The following HEATR4 variants were observed in gnomAD, a reference collection of about 807,000 sequenced individuals.
HEATR4 encodes HEAT repeat containing 4.
A neutral mutation model predicts 108.8 loss-of-function variants in HEATR4; 95 were observed. The observed-to-expected ratio is 0.87, with a 90% CI of 0.74 to 1.04. The LOEUF (loss-of-function observed/expected upper bound fraction) is 1.04. HEATR4 is among the 50% of genes least tolerant of loss of function. The pLI is 0.00. For synonymous variants in HEATR4, 443 were observed against 459.4 expected (o/e 0.96, Z 0.46); for missense variants, 1,152 against 1,253.8 (o/e 0.92, Z 1.23).
chr14:73,502,876 C>G lies in HEATR4; in HGVS notation c.2105+19G>C, dbSNP rs569387576. ...CTAAGAATTTAGAAGAGTGTCTCCTCATGTTGACTGGGTCTTACCTGATTA... is the reference window on the plus strand; with the variant it reads ...CTAAGAATTTAGAAGAGTGTCTCCTGATGTTGACTGGGTCTTACCTGATTA... On this transcript the variant is annotated intron_variant, in intron 11 of 17. Coordinates refer to ENST00000553558, the MANE Select transcript of HEATR4 (RefSeq NM_001220484.1). The G allele has an allele frequency of 6.4e-7, 1 of 1,573,472 alleles. No individual in the cohort carries two copies. The highest frequency in any genetic ancestry group is 1.3e-5 in the African/African-American group (1 of 74,216).
In HEATR4 at chr14:73,520,426, TACTG is replaced by T. The variant is rs1887905065; in HGVS notation, c.1069+422_1069+425del. 3 of 157,656 alleles carry T rather than the reference TACTG, an allele frequency of 1.9e-5. No homozygotes were observed. In the South Asian group the frequency reaches 6.1e-4, roughly 32 times the overall value. 9.8% of individuals were successfully genotyped at this position (157,656 alleles called of 1,614,324 possible). On this transcript the variant is annotated intron_variant, in intron 4 of 17. Transcript: ENST00000553558. ...AATTTACTGAAGGTTACTAAAAAAA[TACTG>T]AGCCAGGATTTAAACCCAAATGTGC...
chr14:73,536,516 TAAAAAAAAA>T lies in HEATR4; in HGVS notation c.-151-6281_-151-6273del, dbSNP rs543491523. Among the ~76,000 whole-genome samples the T allele has an allele frequency of 3.4e-5, 2 of 59,348 alleles. 1 individual carries two copies. The highest frequency in any genetic ancestry group is 1.2e-4 in the African/African-American group (2 of 16,250). 38.9% of individuals were successfully genotyped at this position (59,348 alleles called of 152,430 possible). A position where few individuals can be genotyped will look rare whatever the true frequency, so the allele number is the denominator to read the frequency against. ...GCAACGTAGTGAGACCCTGTCTCTT[TAAAAAAAAA>T]AAAAAAAAAAAAAAAAGATGAGAGG... On this transcript the variant is annotated intron_variant, in intron 1 of 17. Transcript: ENST00000553558.
intron 17 of HEATR4, 33 bp downstream of exon 17, chr14:73,493,033 T>TA: frequency 1.3e-6 from 2 of 1,599,902 alleles, no homozygotes; most frequent in Admixed American, 1.8e-5. Context: ...CTCACGTTCT[T>TA]ACCTTGATAA....
chr14:73,612,565 G>T, the HEATR4 span: 1 of 1,382,876 alleles, frequency 7.2e-7, no homozygotes, highest in Non-Finnish European at 9.4e-7. Flanking sequence ...GTTCTACCCA[G>T]ATTGGGATGG....
intron 10 of HEATR4, 131 bp from the exon 11 acceptor site, chr14:73,503,144 A>G (rs559941959): frequency 2.8e-6 from 2 of 707,824 alleles, no homozygotes; most frequent in East Asian, 2.6e-5. Context: ...GTTTTTTCCC[A>G]TCGCTTACTC....
At chr14:73,497,071 T>C (rs1886150365) in intron 14 of HEATR4, among the ~76,000 whole-genome samples, 1 of 152,192 alleles carries the variant, frequency 6.6e-6, no homozygotes, top group East Asian at 1.9e-4. Flanking sequence ...AGTTTTTGTA[T>C]TTTTAGTAGA....
At chr14:73,482,512 A>G (rs1160627689) in intron 17 of HEATR4, among the ~76,000 whole-genome samples, 1 of 151,322 alleles carries the variant, frequency 6.6e-6, no homozygotes, top group Non-Finnish European at 1.5e-5. Context: ...ACACAGCCAG[A>G]CTTCGAGACT....
chr14:73,584,220 C>T, the HEATR4 span, among the ~76,000 whole-genome samples: 2 of 151,506 alleles, frequency 1.3e-5, no homozygotes, highest in African/African-American at 2.4e-5. Context: ...CACAGTTAAA[C>T]GGGGCTCTTG....
At chr14:73,622,407 A>G in the HEATR4 span, among the ~76,000 whole-genome samples, 1 of 151,918 alleles carries the variant, frequency 6.6e-6, no homozygotes, top group Non-Finnish European at 1.5e-5. Context: ...CCTGTCTCCA[A>G]TATATATATT....
the HEATR4 span, among the ~76,000 whole-genome samples, chr14:73,620,391 G>T: frequency 1.4e-4 from 21 of 152,310 alleles, no homozygotes; most frequent in African/African-American, 5.1e-4. Context: ...TTAAGCAAGA[G>T]AAATGTAAGA....
At chr14:73,620,278 T>C in the HEATR4 span, among the ~76,000 whole-genome samples, 1 of 152,180 alleles carries the variant, frequency 6.6e-6, no homozygotes, top group Non-Finnish European at 1.5e-5. Flanking sequence ...CTCAGCTTTT[T>C]TGTCAGGTCC....
chr14:73,563,886 A>C (rs1326745687), upstream of HEATR4, among the ~76,000 whole-genome samples: 1 of 151,964 alleles, frequency 6.6e-6, no homozygotes, highest in African/African-American at 2.4e-5. Context: ...CGGTAGGGTC[A>C]CTTGTTTGGG....
chr14:73,506,766 A>T (rs545321114), intron 9 of HEATR4, among the ~76,000 whole-genome samples, 195 bp from the exon 10 acceptor site: 3 of 148,448 alleles, frequency 2.0e-5, no homozygotes, highest in African/African-American at 7.4e-5. Context: ...TTAATAACTT[A>T]AACAGAAAAC....
At chr14:73,569,385 C>G in the HEATR4 span, 5 of 1,614,002 alleles carry the variant, frequency 3.1e-6, no homozygotes, top group Non-Finnish European at 4.2e-6. Context: ...GGGGTCTCCA[C>G]AGCTGAGGCA....
the HEATR4 span, among the ~76,000 whole-genome samples, chr14:73,618,062 G>A: frequency 9.9e-5 from 15 of 152,060 alleles, no homozygotes; most frequent in South Asian, 2.1e-3. Context: ...AGAATTGCTC[G>A]AACTCAGGAG....
chr14:73,564,407 C>G, the HEATR4 span, among the ~76,000 whole-genome samples: 2 of 151,486 alleles, frequency 1.3e-5, no homozygotes, highest in Admixed American at 6.6e-5. Context: ...CCCAGGAGTT[C>G]GAGACCAGGC....
rs188502436 is a variant in HEATR4 at position 73,495,536 on chromosome 14, T to A, written c.2626-149A>T. On this transcript the variant is annotated intron_variant, in intron 15 of 17. Coordinates refer to ENST00000553558, the MANE Select transcript of HEATR4 (RefSeq NM_001220484.1). Reference sequence around the variant, plus strand: ...AGTTCAAGGCTACAGTGAGCTGTGATCATGCCACTGCACTCCAGCCTGGGC... The same window carrying A: ...AGTTCAAGGCTACAGTGAGCTGTGAACATGCCACTGCACTCCAGCCTGGGC... 1.1e-3 allele frequency: 739 copies of A among 644,052 alleles called. 2 individuals carry two copies. Among genetic ancestry groups the A allele is most frequent in the Non-Finnish European group, 1.6e-3 (595 of 379,462 alleles). The allele number at this position is 644,052 out of a possible 1,614,324, so 39.9% of individuals were successfully genotyped here.
the HEATR4 span, among the ~76,000 whole-genome samples, chr14:73,576,962 A>T: frequency 7.4e-6 from 1 of 136,024 alleles, no homozygotes; most frequent in African/African-American, 2.8e-5. Context: ...AGAGGGTCTC[A>T]CTCTGTTGCC....
the HEATR4 span, chr14:73,612,897 T>C: frequency 1.1e-5 from 15 of 1,379,210 alleles, no homozygotes; most frequent in East Asian, 4.5e-4. Flanking sequence ...CTGGAAGTGC[T>C]GGACGGCCAC....
Sources: gnomAD v4.1 joint callset for allele counts (sites outside exome capture counted in the v4.1 genomes callset) on GRCh38, gnomAD v4.1.1 for gene constraint, MANE v1.5 for transcripts, NCBI Gene and HGNC (gene_info 2026-07-23, HGNC 2026-07-21) for gene names.